Variants in PDCD6IP observed in about 807,000 individuals in gnomAD.
PDCD6IP encodes programmed cell death 6 interacting protein.
A neutral mutation model predicts 103.7 loss-of-function variants in PDCD6IP; 43 were observed. That is an observed-to-expected ratio of 0.41 (90% CI 0.32 to 0.53). The LOEUF (loss-of-function observed/expected upper bound fraction) is 0.53, where lower values mean the gene tolerates loss of function less well. PDCD6IP is among the 20% of genes least tolerant of loss of function. The pLI is 0.16. For synonymous variants in PDCD6IP, 354 were observed against 378.7 expected, an observed-to-expected ratio of 0.93 and a Z score of 0.76; for missense variants, 871 against 1,036.7, an observed-to-expected ratio of 0.84 and a Z score of 2.20.
intron 9 of PDCD6IP, among the ~76,000 whole-genome samples, chr3:33,839,714 C>A (rs1377127147): frequency 6.6e-6 from 1 of 152,150 alleles, no homozygotes; most frequent in African/African-American, 2.4e-5. Context: ...CATTTTATAT[C>A]CTATCTGCAC....
chr3:33,799,990 G>C (rs1314735771), intron 1 of PDCD6IP, among the ~76,000 whole-genome samples: 3 of 151,762 alleles, frequency 2.0e-5, no homozygotes, highest in African/African-American at 7.3e-5. Context: ...CGTGGTGGCG[G>C]GTGCCTGTAG....
intron 12 of PDCD6IP, 89 bp downstream of exon 12, chr3:33,845,677 G>A (rs1024996670): frequency 1.0e-6 from 1 of 986,954 alleles, no homozygotes. Flanking sequence ...ATTTCTTATT[G>A]TCAACTTTAA....
At chr3:33,848,877 T>G (rs1434670280) in intron 12 of PDCD6IP, among the ~76,000 whole-genome samples, 1 of 152,218 alleles carries the variant, frequency 6.6e-6, no homozygotes, top group African/African-American at 2.4e-5. Context: ...AATGTAAAAC[T>G]CTACTTTCTA....
In PDCD6IP at chr3:33,869,386, G is replaced by T. The variant is rs993071264; in HGVS notation, c.*2861G>T. The T allele has an allele frequency of 2.0e-5, 3 of 152,158 alleles. No homozygotes were observed. Among genetic ancestry groups the T allele is most frequent in the African/African-American group, 7.2e-5 (3 of 41,430 alleles). 9.4% of individuals were successfully genotyped at this position (152,158 alleles called of 1,614,324 possible). A position where few individuals can be genotyped will look rare whatever the true frequency, so the allele number is the denominator to read the frequency against. ...AACAAGGTATAAAGGAAAAAACCCT[G>T]CTAGGTAGTGTTATAATTGCTAGAT... On this transcript the variant is annotated 3_prime_UTR_variant, in exon 18 of 18. Transcript: ENST00000307296.
chr3:33,811,268 G>A (rs1696711938), intron 1 of PDCD6IP: 1 of 175,542 alleles, frequency 5.7e-6, no homozygotes, highest in African/African-American at 2.4e-5. Flanking sequence ...AGTTTTTCCT[G>A]TTTATAACCA....
rs141503516 is a variant in PDCD6IP, at chr3:33,800,873, G to A, written c.209+1936G>A. Among the ~76,000 whole-genome samples the A allele has an allele frequency of 4.6e-5, 7 of 152,306 alleles. No homozygotes were observed. In the East Asian group the frequency reaches 1.4e-3, roughly 29 times the overall value. On this transcript the variant is annotated intron_variant, in intron 1 of 17. Transcript: ENST00000307296. ...GGGTTTTAAGCTAACAGACATGGGA[G>A]GTTGGTGGATAATGGTTTGGATACG...
chr3:33,837,119 C>T (rs1301691650), intron 8 of PDCD6IP, among the ~76,000 whole-genome samples: 1 of 151,914 alleles, frequency 6.6e-6, no homozygotes, highest in African/African-American at 2.4e-5. Context: ...GGGGTTTCTC[C>T]GTGTTGGTCA....
chr3:33,844,275 C>A, intron 11 of PDCD6IP, 52 bp downstream of exon 11: 1 of 1,008,646 alleles, frequency 9.9e-7, no homozygotes, highest in Non-Finnish European at 1.4e-6. Context: ...AATTTCGACC[C>A]ACGTTTTTGC....
intron 8 of PDCD6IP, among the ~76,000 whole-genome samples, chr3:33,837,078 G>A (rs531375642): frequency 1.5e-4 from 23 of 151,476 alleles, no homozygotes; most frequent in Non-Finnish European, 5.9e-5. Context: ...CTGCCACCTC[G>A]CCCAGCTAGT....
At chr3:33,864,305 CA>C (rs971857688) in intron 16 of PDCD6IP, among the ~76,000 whole-genome samples, 176 bp downstream of exon 16, 10 of 151,980 alleles carry the variant, frequency 6.6e-5, no homozygotes, top group African/African-American at 2.2e-4. Flanking sequence ...GAATTCTTGA[CA>C]AAAAAATGCT....
chr3:33,838,490 G>T (rs536129719), intron 9 of PDCD6IP, among the ~76,000 whole-genome samples, 163 bp downstream of exon 9: 78 of 152,132 alleles, frequency 5.1e-4, no homozygotes, highest in Non-Finnish European at 6.2e-4. Context: ...TATTTATGAA[G>T]CTCTAGCAAA....
intron 15 of PDCD6IP, among the ~76,000 whole-genome samples, chr3:33,860,296 A>G (rs1697923886): frequency 6.6e-6 from 1 of 152,226 alleles, no homozygotes; most frequent in Admixed American, 6.5e-5. Flanking sequence ...AAGATGGAAA[A>G]GTAGGCCATA....
chr3:33,813,627 G>A lies in PDCD6IP; in HGVS notation c.333G>A (p.Leu111=). Residue 111 remains leucine (L), a splice_region_variant and synonymous_variant, in exon 3 of 18, where the codon CTG becomes CTA. Transcript: ENST00000307296. The stretch of plus-strand genomic sequence containing the variant: ...CACTTTTTGGAGGCTCTGTAAAACT[G>A]GGTATGTAATTTTTAATAAAAGTGA... ...KGSLFGGSVK[L]ALASLGYEKS... The A allele has an allele frequency of 6.4e-7, 1 of 1,569,024 alleles. No individual in the cohort carries two copies.
chr3:33,820,305 G>C (rs576945370), intron 3 of PDCD6IP, among the ~76,000 whole-genome samples: 2 of 151,658 alleles, frequency 1.3e-5, no homozygotes, highest in South Asian at 4.2e-4. Flanking sequence ...CAATTATAAT[G>C]TCCCATTCTT....
intron 14 of PDCD6IP, 61 bp from the exon 15 acceptor site, chr3:33,855,105 A>G: frequency 2.0e-6 from 2 of 1,005,956 alleles, no homozygotes; most frequent in South Asian, 2.6e-5. Flanking sequence ...TTTAGATCAC[A>G]TTACTCTCTG....
At chr3:33,833,259 C>T (rs911117409) in intron 7 of PDCD6IP, among the ~76,000 whole-genome samples, 1 of 151,708 alleles carries the variant, frequency 6.6e-6, no homozygotes, top group Non-Finnish European at 1.5e-5. Flanking sequence ...CAGTATTATC[C>T]ACATCTAGTT....
chr3:33,837,328 G>A (rs1697372274), intron 8 of PDCD6IP, among the ~76,000 whole-genome samples: 1 of 152,166 alleles, frequency 6.6e-6, no homozygotes. Flanking sequence ...GAGATTCCAA[G>A]GAGAATATTC....
At chr3:33,832,564 C>A (rs1697265621) in intron 7 of PDCD6IP, among the ~76,000 whole-genome samples, 1 of 152,142 alleles carries the variant, frequency 6.6e-6, no homozygotes, top group African/African-American at 2.4e-5. Flanking sequence ...TTAAAGTCTT[C>A]TTCCAAATGG....
intron 7 of PDCD6IP, among the ~76,000 whole-genome samples, chr3:33,829,506 T>TA (rs1315852979): frequency 2.0e-5 from 3 of 149,366 alleles, no homozygotes; most frequent in African/African-American, 7.4e-5. Context: ...TATACACACA[T>TA]ATATCTCTTG....
Sources: allele counts gnomAD v4.1 joint callset (sites outside exome capture counted in the v4.1 genomes callset), GRCh38; gene constraint gnomAD v4.1.1; transcripts MANE v1.5; gene names NCBI Gene and HGNC (gene_info 2026-07-23, HGNC 2026-07-21).